The following ELAPOR2 variants were observed in gnomAD, a reference collection of about 807,000 sequenced individuals.
The protein encoded by ELAPOR2 is endosome-lysosome associated apoptosis and autophagy regulator family member 2.
In ELAPOR2, 89 loss-of-function variants were observed where a neutral mutation model predicts 120.7. The observed-to-expected ratio is 0.74, with a 90% CI of 0.62 to 0.88. The LOEUF is 0.88. ELAPOR2 is among the 40% of genes least tolerant of loss of function. ELAPOR2 has a pLI of 0.00. For synonymous variants in ELAPOR2, 444 were observed against 444.9 expected, an observed-to-expected ratio of 1.00 and a Z score of 0.03; for missense variants, 1,134 against 1,251.6, an observed-to-expected ratio of 0.91 and a Z score of 1.42.
chr7:86,911,572 C>A, intron 15 of ELAPOR2: 1 of 452,232 alleles, frequency 2.2e-6, no homozygotes, highest in Non-Finnish European at 4.4e-6. Context: ...AATTAAGATT[C>A]CTCTTCTTCT....
intron 2 of ELAPOR2, among the ~76,000 whole-genome samples, chr7:86,953,093 CA>C (rs11351621): frequency 0.31 from 31,109 of 99,526 alleles, 3,196 homozygotes; most frequent in Middle Eastern, 0.39. Context: ...AAGCCTCTGT[CA>C]AAAAAAAAAA....
At chr7:86,907,951 T>C (rs1789109154) in intron 17 of ELAPOR2, among the ~76,000 whole-genome samples, 180 bp from the exon 18 acceptor site, 1 of 151,998 alleles carries the variant, frequency 6.6e-6, no homozygotes, top group African/African-American at 2.4e-5. Flanking sequence ...CTATGAAAAG[T>C]TGACTACTTT....
At chr7:86,972,337 G>C (rs920924044) in intron 1 of ELAPOR2, among the ~76,000 whole-genome samples, 1 of 152,106 alleles carries the variant, frequency 6.6e-6, no homozygotes, top group African/African-American at 2.4e-5. Flanking sequence ...CGGGCAGTGA[G>C]TTTTGCTATA....
intron 1 of ELAPOR2, among the ~76,000 whole-genome samples, chr7:87,004,937 T>C (rs935000090): frequency 4.6e-5 from 7 of 152,104 alleles, no homozygotes; most frequent in Admixed American, 1.3e-4. Context: ...ATGACCCCTC[T>C]TTGCAACTGC....
intron 1 of ELAPOR2, among the ~76,000 whole-genome samples, chr7:87,052,691 T>C (rs1008473968): frequency 2.6e-5 from 4 of 152,234 alleles, no homozygotes; most frequent in African/African-American, 4.8e-5. Flanking sequence ...ACATTTTGAA[T>C]AAGGGTAATA....
chr7:86,894,284 T>C (rs1301283307), intron 19 of ELAPOR2, among the ~76,000 whole-genome samples: 1 of 152,072 alleles, frequency 6.6e-6, no homozygotes, highest in Non-Finnish European at 1.5e-5. Context: ...TCTTTTTAAG[T>C]GGGTCACATT....
intron 1 of ELAPOR2, among the ~76,000 whole-genome samples, chr7:87,016,143 G>A (rs972249002): frequency 1.3e-5 from 2 of 152,064 alleles, no homozygotes; most frequent in Non-Finnish European, 2.9e-5. Flanking sequence ...AGAGAAATGG[G>A]TCATCATTTC....
At chr7:86,926,959 C>T (rs200289650) in intron 8 of ELAPOR2, 43 bp from the exon 9 acceptor site, 6 of 1,379,092 alleles carry the variant, frequency 4.4e-6, no homozygotes, top group Non-Finnish European at 5.6e-6. Flanking sequence ...AGTCATATAA[C>T]ATGCTTATAA....
intron 14 of ELAPOR2, among the ~76,000 whole-genome samples, chr7:86,912,672 A>T (rs1789370448): frequency 6.6e-6 from 1 of 152,222 alleles, no homozygotes; most frequent in Admixed American, 6.5e-5. Flanking sequence ...GTACCTAAAC[A>T]ATACACAAGA....
chr7:86,963,330 G>A (rs2116474507), intron 2 of ELAPOR2, among the ~76,000 whole-genome samples: 1 of 152,254 alleles, frequency 6.6e-6, no homozygotes, highest in African/African-American at 2.4e-5. Flanking sequence ...TTCCTATGCA[G>A]GCATCAATTC....
intron 1 of ELAPOR2, among the ~76,000 whole-genome samples, chr7:87,040,974 C>T (rs1794767095): frequency 6.6e-6 from 1 of 151,864 alleles, no homozygotes; most frequent in Non-Finnish European, 1.5e-5. Flanking sequence ...ATGGAGAAGC[C>T]TCAGGAGCCG....
chr7:86,957,510 A>G (rs1347017265), intron 2 of ELAPOR2, among the ~76,000 whole-genome samples: 1 of 152,184 alleles, frequency 6.6e-6, no homozygotes, highest in Non-Finnish European at 1.5e-5. Flanking sequence ...AGTTGAAAAA[A>G]GTGTCATTTT....
At chr7:86,998,435 T>C (rs958683276) in intron 1 of ELAPOR2, among the ~76,000 whole-genome samples, 1 of 152,206 alleles carries the variant, frequency 6.6e-6, no homozygotes, top group African/African-American at 2.4e-5. Context: ...AGCTTAATGA[T>C]GGTTATAGAG....
intron 2 of ELAPOR2, among the ~76,000 whole-genome samples, chr7:86,955,844 C>T (rs556936693): frequency 6.6e-6 from 1 of 151,934 alleles, no homozygotes; most frequent in South Asian, 2.1e-4. Flanking sequence ...TGACTCTCTA[C>T]CCAATAAACC....
chr7:86,989,651 T>C lies in ELAPOR2; in HGVS notation c.190-24627A>G, dbSNP rs370929081. Among the ~76,000 whole-genome samples the C allele has an allele frequency of 2.0e-5, 3 of 152,208 alleles. No homozygotes were observed. In the East Asian group the frequency reaches 5.8e-4, roughly 29 times the overall value. ...CTCCACATGGCAGCTCTGGCCACCA[T>C]TTCTGATGCTTGTTGTCTGCGGCTG... On this transcript the variant is annotated intron_variant, in intron 1 of 21. Transcript: ENST00000450689.
At chr7:87,022,412 A>T (rs1794078554) in intron 1 of ELAPOR2, among the ~76,000 whole-genome samples, 1 of 151,960 alleles carries the variant, frequency 6.6e-6, no homozygotes, top group African/African-American at 2.4e-5. Flanking sequence ...ACATGAACTC[A>T]TCATTTTTTA....
chr7:86,958,551 G>A (rs1435836553), intron 2 of ELAPOR2, among the ~76,000 whole-genome samples: 7 of 152,174 alleles, frequency 4.6e-5, no homozygotes, highest in Admixed American at 3.3e-4. Context: ...GCAGCCGGCC[G>A]ATTGAGTTGC....
chr7:86,938,646 C>T (rs1038194875), intron 7 of ELAPOR2, among the ~76,000 whole-genome samples, 162 bp downstream of exon 7: 6 of 152,028 alleles, frequency 3.9e-5, no homozygotes, highest in Admixed American at 2.6e-4. Context: ...CATGCAGAAA[C>T]GGATAAGATG....
chr7:87,050,995 G>C (rs79248975), intron 1 of ELAPOR2, among the ~76,000 whole-genome samples: 4,100 of 152,250 alleles, frequency 0.027, 77 homozygotes, highest in South Asian at 0.035. Context: ...GTTCAGTTTG[G>C]TACCTGTCAG....
Sources: allele counts gnomAD v4.1 joint callset (sites outside exome capture counted in the v4.1 genomes callset), GRCh38; gene constraint gnomAD v4.1.1; transcripts MANE v1.5; gene names NCBI Gene and HGNC (gene_info 2026-07-23, HGNC 2026-07-21).